The following PDE1C variants were observed in gnomAD, a reference collection of about 807,000 sequenced individuals.
PDE1C encodes the protein phosphodiesterase 1C.
PDE1C carries 62 observed loss-of-function variants against 93.1 expected under a neutral mutation model. That is an observed-to-expected ratio of 0.67 (90% CI 0.54 to 0.82). PDE1C has a LOEUF of 0.82. PDE1C is among the 40% of genes least tolerant of loss of function. PDE1C has a pLI of 0.00. For missense variants in PDE1C, 742 were observed against 884.6 expected, an observed-to-expected ratio of 0.84 and a Z score of 2.04; for synonymous variants, 325 against 310.1, an observed-to-expected ratio of 1.05 and a Z score of -0.50.
chr7:31,791,357 CCAAT>C (rs1344738104), intron 16 of PDE1C, among the ~76,000 whole-genome samples: 6 of 152,084 alleles, frequency 3.9e-5, no homozygotes, highest in Non-Finnish European at 8.8e-5. Context: ...AGGCTTCATA[CCAAT>C]CACTTTACTC....
chr7:32,213,705 C>A lies in PDE1C; in HGVS notation c.86-4166G>T, dbSNP rs999771973. Among the ~76,000 whole-genome samples, 15 of 152,148 alleles carry A rather than the reference C, an allele frequency of 9.9e-5. 1 individual carries two copies. The highest frequency in any genetic ancestry group is 1.9e-4 in the Non-Finnish European group (13 of 68,032). On this transcript the variant is annotated intron_variant, in intron 1 of 18. Coordinates refer to the PDE1C transcript ENST00000396193. ...CAGTAGATGTTCCGTTTATCAGGTG[C>A]AATTAGAGCTTAAATGTGGTGAGAT...
intron 11 of PDE1C, among the ~76,000 whole-genome samples, chr7:31,836,129 A>G (rs1301459071): frequency 6.6e-6 from 1 of 152,100 alleles, no homozygotes. Flanking sequence ...AGGTCACCAA[A>G]TCTATGTATC....
At position 31,828,324 on chromosome 7, in the gene PDE1C, C is replaced by T. The variant is rs550592420; in HGVS notation, c.1253G>A (p.Arg418Gln). The T allele has an allele frequency of 1.7e-5, 27 of 1,612,370 alleles. No individual in the cohort carries two copies. Among genetic ancestry groups the T allele is most frequent in the South Asian group, 2.2e-5 (2 of 91,000 alleles). ...LGLPFSPLCD[R>Q]KSTMVAQSQV... Reference sequence around the variant, plus strand: ...TGACTGAGCAACCATAGTGGACTTTCGGTCACACAGAGGAGAAAAAGGCAG... The same window carrying T: ...TGACTGAGCAACCATAGTGGACTTTTGGTCACACAGAGGAGAAAAAGGCAG... The change falls in exon 12 of 18, where the codon CGA becomes CAA. Residue 418 changes from arginine to glutamine, a missense_variant. By Grantham distance (43) the Arg-to-Gln change is conservative (BLOSUM62 1). Transcript: ENST00000396191.
intron 17 of PDE1C, among the ~76,000 whole-genome samples, chr7:31,760,789 C>CACACAT (rs1212228862): frequency 6.6e-6 from 1 of 151,756 alleles, no homozygotes; most frequent in African/African-American, 2.4e-5. Flanking sequence ...CACACACACA[C>CACACAT]ACACACCAAA....
chr7:31,811,384 G>A (rs1787527766), intron 15 of PDE1C, among the ~76,000 whole-genome samples: 1 of 152,038 alleles, frequency 6.6e-6, no homozygotes, highest in African/African-American at 2.4e-5. Context: ...ATACACACTA[G>A]GTGGAAGAAT....
At chr7:32,114,119 G>A (rs1798844783) in intron 3 of PDE1C, among the ~76,000 whole-genome samples, 1 of 152,104 alleles carries the variant, frequency 6.6e-6, no homozygotes, top group South Asian at 2.1e-4. Flanking sequence ...CACAGAATTA[G>A]ATAAAACTAC....
At chr7:32,335,791 C>T (rs997640664) in intron 1 of PDE1C, among the ~76,000 whole-genome samples, 9 of 152,012 alleles carry the variant, frequency 5.9e-5, no homozygotes, top group South Asian at 2.1e-4. Flanking sequence ...TGCAGTGGTG[C>T]GATCATGGCT....
At chr7:31,676,856 C>T in the PDE1C span, among the ~76,000 whole-genome samples, 67 of 151,878 alleles carry the variant, frequency 4.4e-4, no homozygotes, top group Non-Finnish European at 8.5e-4. Flanking sequence ...GAGAAATAAC[C>T]TCAATCATGG....
intron 1 of PDE1C, among the ~76,000 whole-genome samples, chr7:32,229,636 C>G (rs933895516): frequency 3.3e-5 from 5 of 152,174 alleles, no homozygotes; most frequent in African/African-American, 1.2e-4. Flanking sequence ...TAGACCATCC[C>G]AGCTGGAAAA....
At chr7:32,216,121 T>G (rs2128849760) in intron 1 of PDE1C, among the ~76,000 whole-genome samples, 1 of 152,288 alleles carries the variant, frequency 6.6e-6, no homozygotes, top group Middle Eastern at 3.4e-3. Context: ...TGTCTTACCT[T>G]CAACTTGCAA....
intron 1 of PDE1C, among the ~76,000 whole-genome samples, chr7:32,227,781 A>G (rs749127279): frequency 2.0e-5 from 3 of 151,940 alleles, no homozygotes; most frequent in Non-Finnish European, 4.4e-5. Context: ...AAACATTGCT[A>G]CTCCCACCTT....
chr7:32,270,657 A>G (rs1234552808), intron 1 of PDE1C, among the ~76,000 whole-genome samples: 1 of 152,210 alleles, frequency 6.6e-6, no homozygotes, highest in Non-Finnish European at 1.5e-5. Context: ...CCCCAAGCCT[A>G]CGGACAGGGG....
the PDE1C span, among the ~76,000 whole-genome samples, chr7:31,722,881 G>A: frequency 6.6e-6 from 1 of 152,210 alleles, no homozygotes; most frequent in African/African-American, 2.4e-5. Flanking sequence ...TTTTTCTAGT[G>A]CTCCTATCAC....
the PDE1C span, among the ~76,000 whole-genome samples, chr7:31,617,864 G>A: frequency 6.6e-6 from 1 of 152,196 alleles, no homozygotes; most frequent in South Asian, 2.1e-4. Context: ...TAAGAAGAGA[G>A]TTACTTTTAT....
Position 31,757,704 on chromosome 7 carries a change from G to A in PDE1C, c.1961-4151C>T, listed in dbSNP as rs62448790. On this transcript the variant is annotated intron_variant, in intron 17 of 17. Transcript: ENST00000396191. ...ACAATTTTACACTGTTGGTGGGACT[G>A]TAAACTAGTTCAACCATTGTGGAAG... Among the ~76,000 whole-genome samples, 2,792 of 152,314 alleles carry A rather than the reference G, an allele frequency of 0.018. 127 individuals carry two copies. In the East Asian group the frequency reaches 0.19, roughly 10 times the overall value.
intron 17 of PDE1C, among the ~76,000 whole-genome samples, chr7:31,768,286 C>G (rs888919699): frequency 6.6e-6 from 1 of 152,138 alleles, no homozygotes; most frequent in Non-Finnish European, 1.5e-5. Flanking sequence ...GCCAGTGAGT[C>G]GGGCCAGGCT....
At chr7:32,105,510 A>G (rs535358858) in intron 3 of PDE1C, among the ~76,000 whole-genome samples, 1 of 152,296 alleles carries the variant, frequency 6.6e-6, no homozygotes, top group South Asian at 2.1e-4. Flanking sequence ...CTGAAGGTTT[A>G]GTCTTTGTGG....
At chr7:31,952,514 T>A (rs1315088711) in intron 2 of PDE1C, among the ~76,000 whole-genome samples, 2 of 152,196 alleles carry the variant, frequency 1.3e-5, no homozygotes, top group African/African-American at 4.8e-5. Context: ...CCTCCCAAAG[T>A]ACTGGTATTA....
At chr7:32,032,969 A>T (rs1790540316) in intron 2 of PDE1C, among the ~76,000 whole-genome samples, 1 of 152,150 alleles carries the variant, frequency 6.6e-6, no homozygotes, top group Non-Finnish European at 1.5e-5. Context: ...GGAGATGGGG[A>T]AAGACCAGAC....
Sources: allele counts gnomAD v4.1 joint callset (sites outside exome capture counted in the v4.1 genomes callset), GRCh38; gene constraint gnomAD v4.1.1; transcripts MANE v1.5; gene names NCBI Gene and HGNC (gene_info 2026-07-23, HGNC 2026-07-21).